Variants in SEC14L1 observed in about 807,000 individuals in gnomAD.
SEC14L1 encodes SEC14 like lipid binding 1.
Under a neutral mutation model 85.3 loss-of-function variants are expected in SEC14L1, and 48 were observed. The ratio of observed to expected loss-of-function variants is 0.56; its 90% CI spans 0.45 to 0.72. The LOEUF is 0.72. Among genes scored for constraint, SEC14L1 ranks in the 30% least tolerant of loss-of-function variants. The pLI is 0.00. For missense variants in SEC14L1, 682 were observed against 921.4 expected (o/e 0.74, Z 3.36); for synonymous variants, 391 against 355.5 (o/e 1.10, Z -1.12).
chr17:77,111,354 G>C (rs1445533483), intron 3 of SEC14L1, among the ~76,000 whole-genome samples: 1 of 151,900 alleles, frequency 6.6e-6, no homozygotes, highest in Non-Finnish European at 1.5e-5. Context: ...GGAATGTTGA[G>C]GTTAAGATAA....
At chr17:77,109,321 C>T (rs912335510) in intron 3 of SEC14L1, among the ~76,000 whole-genome samples, 3 of 152,132 alleles carry the variant, frequency 2.0e-5, no homozygotes, top group African/African-American at 7.2e-5. Flanking sequence ...CCAGGCTGGT[C>T]TCAAACTCCC....
chr17:77,192,532 G>T (rs927495813), intron 5 of SEC14L1, among the ~76,000 whole-genome samples: 2 of 152,112 alleles, frequency 1.3e-5, no homozygotes, highest in African/African-American at 2.4e-5. Context: ...TGGCTCCAAG[G>T]TGCTCGCTGT....
At chr17:77,175,201 A>G (rs1012070321) in intron 3 of SEC14L1, among the ~76,000 whole-genome samples, 4 of 152,204 alleles carry the variant, frequency 2.6e-5, no homozygotes, top group African/African-American at 9.7e-5. Context: ...GGAATTCATC[A>G]TCTCTGGCGC....
Position 77,209,440 on chromosome 17 carries a change from C to G in SEC14L1, c.1575C>G (p.Tyr525Ter). ...EDLKLWTETI[Y>*]QSASVFKGAP... ...TGAAGCTCTGGACTGAGACCATCTA[C>G]CAGTCTGCAAGCGTCTTCAAAGGAG... The change falls in exon 14 of 17, where the codon TAC becomes TAG. Residue 525 changes from tyrosine to a stop codon, truncating the protein, a stop_gained. Transcript: ENST00000436233. LOFTEE classifies it high-confidence loss of function. 1 of 1,614,170 alleles carries G rather than the reference C, an allele frequency of 6.2e-7. No individual in the cohort carries two copies. Among genetic ancestry groups the G allele is most frequent in the Non-Finnish European group, 8.5e-7 (1 of 1,180,014 alleles).
intron 3 of SEC14L1, among the ~76,000 whole-genome samples, chr17:77,172,271 C>T (rs150855232): frequency 3.3e-5 from 5 of 152,146 alleles, no homozygotes; most frequent in Admixed American, 6.5e-5. Flanking sequence ...AGCCCTTGAC[C>T]GCCGTATTCT....
intron 3 of SEC14L1, among the ~76,000 whole-genome samples, chr17:77,155,805 G>A (rs960226308): frequency 2.0e-5 from 3 of 151,980 alleles, no homozygotes; most frequent in Admixed American, 2.0e-4. Flanking sequence ...GTGCCATCTC[G>A]GCTCACTGCA....
intron 3 of SEC14L1, among the ~76,000 whole-genome samples, chr17:77,126,660 C>A (rs139497794): frequency 2.0e-5 from 3 of 152,212 alleles, no homozygotes. Context: ...TCCAGGTGCA[C>A]GGGAACCTTG....
chr17:77,093,207 G>T (rs1433053268), intron 2 of SEC14L1: 2 of 152,218 alleles, frequency 1.3e-5, no homozygotes, highest in Non-Finnish European at 2.9e-5. Flanking sequence ...ACTTGGTAAA[G>T]TAGAATAAGA....
At chr17:77,161,890 C>G (rs1974078723) in intron 3 of SEC14L1, among the ~76,000 whole-genome samples, 3 of 142,774 alleles carry the variant, frequency 2.1e-5, no homozygotes, top group Admixed American at 6.9e-5. Flanking sequence ...CTTCCTTCCT[C>G]TCTTTCTCTC....
upstream of SEC14L1, chr17:77,088,686 A>G (rs1354439097): frequency 6.6e-6 from 1 of 152,110 alleles, no homozygotes. Flanking sequence ...GTGGGAAGTA[A>G]GTGGAGACAC....
chr17:77,214,226 A>G lies in SEC14L1; in HGVS notation c.*203A>G. On this transcript the variant is annotated 3_prime_UTR_variant, in exon 17 of 17. Transcript: ENST00000436233. ...AACTCTGATCCTAACTTAACTCAAT[A>G]GCCATAGATTTTGTATACGTTGTGC... The G allele has an allele frequency of 7.2e-7, 1 of 1,382,118 alleles. No homozygotes were observed. 85.6% of individuals were successfully genotyped at this position (1,382,118 alleles called of 1,614,324 possible).
intron 5 of SEC14L1, among the ~76,000 whole-genome samples, chr17:77,191,677 G>A (rs995482412): frequency 7.2e-5 from 11 of 152,020 alleles, no homozygotes; most frequent in African/African-American, 2.2e-4. Context: ...CTAGTAGTTC[G>A]GATTACAGGC....
intron 6 of SEC14L1, 150 bp from the exon 7 acceptor site, chr17:77,194,526 TG>T: frequency 3.1e-6 from 2 of 636,812 alleles, no homozygotes; most frequent in Non-Finnish European, 2.7e-6. Context: ...TGCTTTAGCC[TG>T]GGCCACAAAG....
chr17:77,177,378 T>C (rs1344783641), intron 3 of SEC14L1, among the ~76,000 whole-genome samples: 1 of 143,442 alleles, frequency 7.0e-6, no homozygotes, highest in Non-Finnish European at 1.5e-5. Context: ...AAAGATACAA[T>C]TGATCAGGCA....
At chr17:77,164,105 CAACTGAGGAA>C (rs1390473174) in intron 3 of SEC14L1, among the ~76,000 whole-genome samples, 1 of 152,220 alleles carries the variant, frequency 6.6e-6, no homozygotes, top group East Asian at 1.9e-4. Context: ...TCCCACTTTA[CAACTGAGGAA>C]ACAGGTTGAA....
At chr17:77,099,124 G>A (rs1971710691) in intron 3 of SEC14L1, 1 of 152,162 alleles carries the variant, frequency 6.6e-6, no homozygotes, top group African/African-American at 2.4e-5. Flanking sequence ...ACTGTCAGCT[G>A]TGGAGGGTTA....
chr17:77,144,154 T>C (rs1385326168), intron 3 of SEC14L1, among the ~76,000 whole-genome samples: 3 of 152,194 alleles, frequency 2.0e-5, no homozygotes, highest in Non-Finnish European at 2.9e-5. Flanking sequence ...TGGCTGAAAA[T>C]AAGCATTTTA....
intron 3 of SEC14L1, among the ~76,000 whole-genome samples, chr17:77,184,367 G>A (rs1455517152): frequency 2.6e-5 from 4 of 152,176 alleles, no homozygotes; most frequent in African/African-American, 4.8e-5. Context: ...GATGATCCTT[G>A]TCTGAATCAG....
At chr17:77,133,308 C>A (rs913894367) in intron 3 of SEC14L1, among the ~76,000 whole-genome samples, 3 of 152,236 alleles carry the variant, frequency 2.0e-5, no homozygotes, top group Non-Finnish European at 4.4e-5. Flanking sequence ...GAGGACCCAG[C>A]AACGGCCCCC....
Sources: allele counts gnomAD v4.1 joint callset (sites outside exome capture counted in the v4.1 genomes callset), GRCh38; gene constraint gnomAD v4.1.1; transcripts MANE v1.5; gene names NCBI Gene and HGNC (gene_info 2026-07-23, HGNC 2026-07-21).